HNF1B: variants seen among roughly 807,000 people sequenced by gnomAD.
HNF1B encodes the protein hepatocyte nuclear factor 1-beta.
A neutral mutation model predicts 61.7 loss-of-function variants in HNF1B; 8 were observed. The ratio of observed to expected loss-of-function variants is 0.13; its 90% CI spans 0.08 to 0.23. HNF1B has a LOEUF of 0.23. Among genes scored for constraint, HNF1B ranks in the 10% least tolerant of loss-of-function variants. The pLI is 1.00. For synonymous variants in HNF1B, 314 were observed against 287.7 expected, an observed-to-expected ratio of 1.09 and a Z score of -0.93; for missense variants, 562 against 714.5, an observed-to-expected ratio of 0.79 and a Z score of 2.43.
intron 2 of HNF1B, among the ~76,000 whole-genome samples, chr17:37,737,698 G>A (rs1339908332): frequency 1.3e-5 from 2 of 151,734 alleles, no homozygotes; most frequent in African/African-American, 2.4e-5. Flanking sequence ...AGCCAGGTGT[G>A]GTGGCGGGCA....
chr17:37,719,605 G>A (rs2033240564), intron 4 of HNF1B, among the ~76,000 whole-genome samples: 1 of 152,216 alleles, frequency 6.6e-6, no homozygotes, highest in Non-Finnish European at 1.5e-5. Flanking sequence ...GCCTTTGCAG[G>A]CAGAGATAAT....
At chr17:37,729,461 GAAGA>G (rs1028448248) in intron 4 of HNF1B, 2 of 143,262 alleles carry the variant, frequency 1.4e-5, no homozygotes, top group Admixed American at 6.9e-5. Context: ...AAAAAAGACA[GAAGA>G]AAGGCAGCCA....
At chr17:37,693,988 G>A (rs1356826101) in intron 8 of HNF1B, among the ~76,000 whole-genome samples, 2 of 152,188 alleles carry the variant, frequency 1.3e-5, no homozygotes, top group Non-Finnish European at 2.9e-5. Context: ...CTCACCAGAT[G>A]CAGATGCTGG....
intron 8 of HNF1B, among the ~76,000 whole-genome samples, chr17:37,692,198 G>A (rs1226472974): frequency 6.6e-6 from 1 of 152,214 alleles, no homozygotes; most frequent in Non-Finnish European, 1.5e-5. Flanking sequence ...TCCCAGCCTG[G>A]GGTTCCTGAC....
intron 2 of HNF1B, among the ~76,000 whole-genome samples, chr17:37,737,461 ATAG>A (rs1466119092): frequency 6.6e-6 from 1 of 152,212 alleles, no homozygotes; most frequent in Non-Finnish European, 1.5e-5. Context: ...TGTTTGGCAC[ATAG>A]TAGGTGCCTG....
intron 5 of HNF1B, among the ~76,000 whole-genome samples, chr17:37,706,109 C>T (rs550565700): frequency 6.6e-6 from 1 of 152,222 alleles, no homozygotes. Context: ...CAGGCACCTA[C>T]CACCACGCCT....
At chr17:37,724,792 C>A (rs1369936039) in intron 4 of HNF1B, among the ~76,000 whole-genome samples, 1 of 152,048 alleles carries the variant, frequency 6.6e-6, no homozygotes, top group Non-Finnish European at 1.5e-5. Flanking sequence ...GTTTGTCAAT[C>A]CCTGTTCTAG....
At chr17:37,700,549 C>A (rs1373683708) in intron 7 of HNF1B, among the ~76,000 whole-genome samples, 1 of 152,178 alleles carries the variant, frequency 6.6e-6, no homozygotes, top group African/African-American at 2.4e-5. Context: ...GGAAGGCAAA[C>A]AGGATGCAAA....
intron 4 of HNF1B, 56 bp from the exon 5 acceptor site, chr17:37,710,719 A>G: frequency 6.4e-7 from 1 of 1,552,746 alleles, no homozygotes; most frequent in South Asian, 1.1e-5. Flanking sequence ...GTCCTGGAAC[A>G]ATGACTCGGC....
At chr17:37,739,345 A>C in intron 2 of HNF1B, 95 bp downstream of exon 2, 1 of 1,153,992 alleles carries the variant, frequency 8.7e-7, no homozygotes, top group South Asian at 1.2e-5. Context: ...AGTGCTCACA[A>C]GGCCTTGTCG....
intron 8 of HNF1B, among the ~76,000 whole-genome samples, chr17:37,690,003 GCACACA>G (rs5820231): frequency 0.16 from 23,434 of 148,630 alleles, 4,189 homozygotes; most frequent in African/African-American, 0.44. Context: ...ACAAATGCGT[GCACACA>G]CACACACACA....
chr17:37,697,956 C>A (rs1204771533), intron 8 of HNF1B, among the ~76,000 whole-genome samples: 1 of 152,082 alleles, frequency 6.6e-6, no homozygotes, highest in Non-Finnish European at 1.5e-5. Flanking sequence ...AATGAAGGCT[C>A]AGGGAGGTCA....
chr17:37,728,310 GT>G (rs548097922), intron 4 of HNF1B, among the ~76,000 whole-genome samples: 7,914 of 139,268 alleles, frequency 0.057, 648 homozygotes, highest in African/African-American at 0.19. Context: ...CCCACAGAGC[GT>G]TTTTTTTTTT....
chr17:37,694,326 C>T (rs1345638289), intron 8 of HNF1B, among the ~76,000 whole-genome samples: 1 of 150,612 alleles, frequency 6.6e-6, no homozygotes, highest in Non-Finnish European at 1.5e-5. Context: ...CTACTCAGGA[C>T]TCTGAGGCAG....
intron 8 of HNF1B, among the ~76,000 whole-genome samples, chr17:37,698,018 C>T (rs972547193): frequency 4.7e-5 from 7 of 150,158 alleles, no homozygotes; most frequent in Non-Finnish European, 8.9e-5. Context: ...TGCTCCACTG[C>T]ACTCTAGGGC....
At chr17:37,704,113 A>T (rs1159608668) in intron 6 of HNF1B, among the ~76,000 whole-genome samples, 1 of 152,242 alleles carries the variant, frequency 6.6e-6, no homozygotes, top group Non-Finnish European at 1.5e-5. Context: ...GAGCTGTCAT[A>T]GTGAAGCTGG....
At chr17:37,690,660 A>G (rs1223435902) in intron 8 of HNF1B, among the ~76,000 whole-genome samples, 1 of 152,076 alleles carries the variant, frequency 6.6e-6, no homozygotes, top group Non-Finnish European at 1.5e-5. Context: ...AATCAGGGAT[A>G]CTCTCAGCTC....
chr17:37,687,880 C>A (rs890394977), intron 8 of HNF1B, among the ~76,000 whole-genome samples: 1 of 152,146 alleles, frequency 6.6e-6, no homozygotes, highest in African/African-American at 2.4e-5. Context: ...TGGTTTAATT[C>A]TGACTTGTAG....
chr17:37,697,620 C>G (rs1034065300), intron 8 of HNF1B, among the ~76,000 whole-genome samples: 2 of 152,140 alleles, frequency 1.3e-5, no homozygotes, highest in Admixed American at 6.6e-5. Flanking sequence ...GAAGGTATTC[C>G]CAAGGAGGGC....
Sources: allele counts gnomAD v4.1 joint callset (sites outside exome capture counted in the v4.1 genomes callset), GRCh38; gene constraint gnomAD v4.1.1; transcripts MANE v1.5; gene names NCBI Gene and HGNC (gene_info 2026-07-23, HGNC 2026-07-21).